The following SMG6 variants were observed in gnomAD, a reference collection of about 807,000 sequenced individuals.
The protein encoded by SMG6 is SMG6 nonsense mediated mRNA decay factor.
A neutral mutation model predicts 142.2 loss-of-function variants in SMG6; 66 were observed. The ratio of observed to expected loss-of-function variants is 0.46; its 90% CI spans 0.38 to 0.57. The LOEUF (loss-of-function observed/expected upper bound fraction) is 0.57. Ranked by LOEUF, SMG6 falls within the 20% of genes least tolerant of loss-of-function variation. The probability of loss-of-function intolerance (pLI) is 0.00; values close to 1 mark genes in which losing one functional copy is unlikely to be tolerated. For missense variants in SMG6, 1,793 were observed against 1,832.0 expected, an observed-to-expected ratio of 0.98 and a Z score of 0.39; for synonymous variants, 779 against 702.4, an observed-to-expected ratio of 1.11 and a Z score of -1.72.
chr17:2,152,774 G>A (rs903395192), intron 13 of SMG6, among the ~76,000 whole-genome samples: 2 of 152,212 alleles, frequency 1.3e-5, no homozygotes, highest in Non-Finnish European at 2.9e-5. Context: ...CTCTAGCGAA[G>A]TTAAACATAC....
chr17:2,123,441 G>A (rs772623577), intron 13 of SMG6, among the ~76,000 whole-genome samples: 9 of 152,168 alleles, frequency 5.9e-5, no homozygotes, highest in Admixed American at 5.9e-4. Context: ...GTGTGTTAAC[G>A]GCACAGAAAC....
intron 13 of SMG6, among the ~76,000 whole-genome samples, chr17:2,099,656 G>A (rs1482684806): frequency 3.9e-5 from 6 of 152,164 alleles, no homozygotes; most frequent in Admixed American, 3.9e-4. Context: ...ATGCCTCATA[G>A]TTGGAGACAA....
At chr17:2,191,162 T>C (rs2072149762) in intron 10 of SMG6, among the ~76,000 whole-genome samples, 1 of 152,200 alleles carries the variant, frequency 6.6e-6, no homozygotes, top group African/African-American at 2.4e-5. Flanking sequence ...TATCCAAGTA[T>C]CCACGGCAAC....
At chr17:2,257,762 T>C (rs1190853004) in intron 8 of SMG6, among the ~76,000 whole-genome samples, 1 of 151,896 alleles carries the variant, frequency 6.6e-6, no homozygotes, top group Non-Finnish European at 1.5e-5. Context: ...CTCATGCTTG[T>C]AATCCCAGCA....
chr17:2,269,562 G>C (rs1264103383), intron 8 of SMG6, among the ~76,000 whole-genome samples: 3 of 151,996 alleles, frequency 2.0e-5, no homozygotes, highest in Non-Finnish European at 4.4e-5. Context: ...GGGAAGCCAT[G>C]CTCCTTTGCT....
chr17:2,207,839 T>C (rs2072734149), intron 10 of SMG6, among the ~76,000 whole-genome samples: 1 of 152,186 alleles, frequency 6.6e-6, no homozygotes, highest in Admixed American at 6.5e-5. Context: ...ACAGACAGTT[T>C]TTAAAGCACC....
chr17:2,185,658 A>AG (rs1313942212), intron 12 of SMG6, among the ~76,000 whole-genome samples: 1 of 152,060 alleles, frequency 6.6e-6, no homozygotes, highest in Non-Finnish European at 1.5e-5. Context: ...ACACAGAGAC[A>AG]GGGGGCGAGG....
At chr17:2,142,696 C>T (rs2070520212) in intron 13 of SMG6, among the ~76,000 whole-genome samples, 1 of 151,716 alleles carries the variant, frequency 6.6e-6, no homozygotes. Context: ...CCAGCCTGAC[C>T]AACATGGAGA....
intron 15 of SMG6, among the ~76,000 whole-genome samples, chr17:2,077,698 T>A (rs965683905): frequency 6.6e-6 from 1 of 152,196 alleles, no homozygotes; most frequent in Non-Finnish European, 1.5e-5. Context: ...GAGACGGGGT[T>A]TTGCTATGTT....
At chr17:2,260,720 C>T (rs947489652) in intron 8 of SMG6, among the ~76,000 whole-genome samples, 4 of 152,164 alleles carry the variant, frequency 2.6e-5, no homozygotes, top group South Asian at 2.1e-4. Flanking sequence ...AGAGGCCGGG[C>T]GCAGTGGCTC....
Position 2,183,740 on chromosome 17 carries a change from C to T in SMG6, c.3155+2923G>A, listed in dbSNP as rs541888207. Among the ~76,000 whole-genome samples the T allele has an allele frequency of 4.9e-4, 69 of 141,890 alleles. No individual in the cohort carries two copies. In the South Asian group the frequency reaches 0.013, roughly 27 times the overall value. The allele number at this position is 141,890 out of a possible 152,430, so 93.1% of individuals were successfully genotyped here. ...GGTATGCTGATCCCTGATACAGGTG[C>T]GTGCGACACACACACACACACACAC... On this transcript the variant is annotated intron_variant, in intron 12 of 18. Transcript: ENST00000263073.
intron 10 of SMG6, among the ~76,000 whole-genome samples, chr17:2,232,052 A>G (rs559469528): frequency 1.3e-5 from 2 of 152,170 alleles, no homozygotes; most frequent in Admixed American, 1.3e-4. Context: ...AGGAATTATA[A>G]AACATTTTTG....
chr17:2,249,124 A>G (rs1747165879), intron 8 of SMG6, among the ~76,000 whole-genome samples: 2 of 151,238 alleles, frequency 1.3e-5, no homozygotes, highest in Non-Finnish European at 2.9e-5. Flanking sequence ...CAATCTCCTG[A>G]CCTTGTGATC....
At chr17:2,191,326 T>C (rs1283983027) in intron 10 of SMG6, among the ~76,000 whole-genome samples, 1 of 152,124 alleles carries the variant, frequency 6.6e-6, no homozygotes, top group African/African-American at 2.4e-5. Context: ...AAACAGCATC[T>C]AGATTCCCAG....
In SMG6 at chr17:2,065,089, G is replaced by C; in HGVS notation, c.4113C>G (p.Phe1371Leu). The C allele has an allele frequency of 6.2e-7, 1 of 1,613,832 alleles. No homozygotes were observed. Among genetic ancestry groups the C allele is most frequent in the Admixed American group, 1.7e-5 (1 of 60,008 alleles). ...LHYCKDKAKDFMPASKEEPIR... is the reference protein window; with the variant it reads ...LHYCKDKAKDLMPASKEEPIR... ...AAGCTGTACCTTTGCTGGCGGGCATGAAGTCCTTAGCCTTGTCTTTGCAGT... is the reference window on the plus strand; with the variant it reads ...AAGCTGTACCTTTGCTGGCGGGCATCAAGTCCTTAGCCTTGTCTTTGCAGT... The change falls in exon 18 of 19, where the codon TTC becomes TTG. Residue 1371 changes from phenylalanine to leucine, a missense_variant. Physicochemically the swap from Phe to Leu is conservative, Grantham distance 22 (BLOSUM62 0). This residue lies in a region of SMG6 where 179 missense variants were observed against 212.6 expected (regional missense o/e 0.84). Coordinates refer to ENST00000263073, the MANE Select transcript of SMG6 (RefSeq NM_017575.5).
chr17:2,076,329 T>G (rs2068256706), intron 15 of SMG6, among the ~76,000 whole-genome samples: 1 of 152,164 alleles, frequency 6.6e-6, no homozygotes, highest in Non-Finnish European at 1.5e-5. Context: ...TTCCTTATTG[T>G]ATTAGTGTGA....
At chr17:2,119,670 A>AT (rs902107609) in intron 13 of SMG6, among the ~76,000 whole-genome samples, 46 of 149,622 alleles carry the variant, frequency 3.1e-4, no homozygotes, top group South Asian at 6.3e-4. Context: ...CAGCTAATTT[A>AT]TTTTTTTTTG....
Position 2,300,165 on chromosome 17 carries a change from G to C in SMG6, c.588C>G (p.Asp196Glu), listed in dbSNP as rs780671914. 2.5e-6 allele frequency: 4 copies of C among 1,613,996 alleles called. No individual in the cohort carries two copies. The South Asian group carries it at 4.4e-5, about 18-fold the overall frequency. Residue 196 changes from aspartate to glutamate, a missense_variant, in exon 2 of 19, where the codon GAC becomes GAG. Asp to Glu is a conservative substitution (Grantham distance 45). Coordinates refer to ENST00000263073, the MANE Select transcript of SMG6 (RefSeq NM_017575.5). ...VAKEEVANKP[D>E]RAEIEKSPGG... ...CTGGGCTCTTTTCTATCTCAGCCCT[G>C]TCTGGTTTATTCGCAACTTCCTCCT...
chr17:2,118,455 C>T (rs1465671214), intron 13 of SMG6, among the ~76,000 whole-genome samples: 2 of 152,206 alleles, frequency 1.3e-5, no homozygotes, highest in African/African-American at 4.8e-5. Flanking sequence ...ACGAGAATCA[C>T]TTGAACCTGG....
Sources: allele counts gnomAD v4.1 joint callset (sites outside exome capture counted in the v4.1 genomes callset), GRCh38; gene constraint gnomAD v4.1.1; regional missense constraint gnomAD v4.1.1; transcripts MANE v1.5; gene names NCBI Gene and HGNC (gene_info 2026-07-23, HGNC 2026-07-21).